The following EPB41L4A variants were observed in gnomAD, a reference collection of about 807,000 sequenced individuals.
The protein encoded by EPB41L4A is erythrocyte membrane protein band 4.1 like 4A, also known as band 4.1-like protein 4A.
Under a neutral mutation model 108.6 loss-of-function variants are expected in EPB41L4A, and 100 were observed. The ratio of observed to expected loss-of-function variants is 0.92; its 90% confidence interval spans 0.78 to 1.09. The LOEUF is 1.09. EPB41L4A is among the 50% of genes least tolerant of loss of function. The pLI, the probability that EPB41L4A is intolerant of heterozygous loss-of-function variation, is 0.00. For missense variants in EPB41L4A, 1,030 were observed against 842.7 expected, an observed-to-expected ratio of 1.22 and a Z score of -2.75; for synonymous variants, 319 against 289.0, an observed-to-expected ratio of 1.10 and a Z score of -1.05.
chr5:112,321,389 G>A (rs976153213), intron 1 of EPB41L4A, among the ~76,000 whole-genome samples: 4 of 152,258 alleles, frequency 2.6e-5, no homozygotes, highest in Non-Finnish European at 4.4e-5. Flanking sequence ...TTCATAATCC[G>A]GTACTTATTT....
intron 18 of EPB41L4A, among the ~76,000 whole-genome samples, chr5:112,178,173 T>C (rs990231358): frequency 6.6e-6 from 1 of 152,214 alleles, no homozygotes; most frequent in South Asian, 2.1e-4. Context: ...GAAGAAGGTA[T>C]GGTAGAATTT....
intron 9 of EPB41L4A, among the ~76,000 whole-genome samples, chr5:112,248,154 A>G (rs958712824): frequency 6.6e-6 from 1 of 152,206 alleles, no homozygotes; most frequent in Non-Finnish European, 1.5e-5. Context: ...TACTAAAAGG[A>G]GGCTTAACAT....
At chr5:112,326,101 G>A (rs142183269) in intron 1 of EPB41L4A, among the ~76,000 whole-genome samples, 2 of 152,100 alleles carry the variant, frequency 1.3e-5, no homozygotes, top group East Asian at 3.9e-4. Context: ...AGTAAGCTAT[G>A]ATCATACCAC....
Position 112,209,907 on chromosome 5 carries a change from G to T in EPB41L4A, c.1163C>A (p.Pro388His), listed in dbSNP as rs1286436648. ...CTTCACTGACCTTTTTACTGGTGAA[G>T]GTGCAATAATTTTAATTGTTCCTTC... Reference protein sequence around the residue: ...ENEGTIKIIAPSPVKSFKKAK... With the variant: ...ENEGTIKIIAHSPVKSFKKAK... The change falls in exon 13 of 23, where the codon CCT (proline) becomes CAT (histidine). Residue 388 changes from proline (P) to histidine (H), a missense_variant. Transcript: ENST00000261486. 2 of 1,600,044 alleles carry T rather than the reference G, an allele frequency of 1.2e-6. No individual in the cohort carries two copies. The highest frequency in any genetic ancestry group is 4.5e-5 in the East Asian group (2 of 44,520).
intron 7 of EPB41L4A, among the ~76,000 whole-genome samples, chr5:112,261,045 GTTTTCTT>G (rs60175169): frequency 0.029 from 4,350 of 152,182 alleles, 259 homozygotes; most frequent in East Asian, 0.26. Context: ...CCTATGGAAA[GTTTTCTT>G]TTAAAAACTG....
At chr5:112,263,772 T>C (rs1315178943) in intron 6 of EPB41L4A, 1 of 152,224 alleles carries the variant, frequency 6.6e-6, no homozygotes, top group Non-Finnish European at 1.5e-5. Flanking sequence ...ACGGATCCTT[T>C]AGGCAAACAT....
intron 1 of EPB41L4A, among the ~76,000 whole-genome samples, chr5:112,350,634 C>G (rs1344536688): frequency 1.3e-5 from 2 of 152,168 alleles, no homozygotes; most frequent in Non-Finnish European, 2.9e-5. Context: ...CCTGCAAGCT[C>G]CAAATACACC....
At chr5:112,310,246 T>C (rs1754962922) in intron 1 of EPB41L4A, among the ~76,000 whole-genome samples, 1 of 152,234 alleles carries the variant, frequency 6.6e-6, no homozygotes, top group Non-Finnish European at 1.5e-5. Flanking sequence ...GCTAATGCAT[T>C]GGAAAGCCAA....
At chr5:112,312,118 A>G (rs1755094390) in intron 1 of EPB41L4A, among the ~76,000 whole-genome samples, 1 of 152,254 alleles carries the variant, frequency 6.6e-6, no homozygotes, top group East Asian at 1.9e-4. Context: ...AATAAAGATA[A>G]TAGATTTATA....
chr5:112,215,217 CA>C lies in EPB41L4A; in HGVS notation c.1088-5236del, dbSNP rs1747532829. Among the ~76,000 whole-genome samples, 5 of 152,296 alleles carry C rather than the reference CA, an allele frequency of 3.3e-5. No individual in the cohort carries two copies. The South Asian group carries it at 1.0e-3, about 32-fold the overall frequency. ...GTACCTGAGACGCATGTCAAAAGGA[CA>C]TGCGGCAATATACCTTGCAGGACTG... On this transcript the variant is annotated intron_variant, in intron 12 of 22. Transcript: ENST00000261486.
chr5:112,410,189 A>G (rs951012766), intron 1 of EPB41L4A, among the ~76,000 whole-genome samples: 3 of 152,284 alleles, frequency 2.0e-5, no homozygotes, highest in Non-Finnish European at 4.4e-5. Context: ...TGGAAAATTC[A>G]GAGACTAGGA....
At chr5:112,234,378 C>T (rs1236712107) in intron 12 of EPB41L4A, among the ~76,000 whole-genome samples, 1 of 151,066 alleles carries the variant, frequency 6.6e-6, no homozygotes, top group Admixed American at 6.6e-5. Context: ...AAGATCCTAA[C>T]TCAAAAAAGA....
At chr5:112,349,535 T>G (rs1757902650) in intron 1 of EPB41L4A, among the ~76,000 whole-genome samples, 1 of 152,148 alleles carries the variant, frequency 6.6e-6, no homozygotes, top group Admixed American at 6.5e-5. Flanking sequence ...TGCCTAAGAA[T>G]GAGTGAGAGT....
At chr5:112,366,573 G>A (rs966388415) in intron 1 of EPB41L4A, among the ~76,000 whole-genome samples, 1 of 152,040 alleles carries the variant, frequency 6.6e-6, no homozygotes, top group African/African-American at 2.4e-5. Context: ...CGTGGCCTCT[G>A]CTGAGACACA....
intron 1 of EPB41L4A, among the ~76,000 whole-genome samples, chr5:112,355,326 C>G (rs1758297446): frequency 2.0e-5 from 3 of 152,216 alleles, no homozygotes; most frequent in Admixed American, 2.0e-4. Flanking sequence ...GATGAATCCA[C>G]TATCTTCAGA....
In EPB41L4A at chr5:112,388,165, G is replaced by A. The variant is rs530348504; in HGVS notation, c.99+30776C>T. On this transcript the variant is annotated intron_variant, in intron 1 of 22. Transcript: ENST00000261486. ...TAACAATTTACCCTTACAGTATCTG[G>A]TTACAGCCAGCAATTTTTCACAAAA... Among the ~76,000 whole-genome samples the A allele has an allele frequency of 3.9e-3, 595 of 152,214 alleles. 5 individuals are homozygous for A. The highest frequency in any genetic ancestry group is 0.013 in the African/African-American group (536 of 41,530).
chr5:112,284,537 CCT>C (rs1753160405), intron 2 of EPB41L4A, among the ~76,000 whole-genome samples: 1 of 152,088 alleles, frequency 6.6e-6, no homozygotes, highest in Non-Finnish European at 1.5e-5. Context: ...TCCCCACTCC[CCT>C]CTCTCTCCTA....
intron 1 of EPB41L4A, among the ~76,000 whole-genome samples, chr5:112,375,661 T>C (rs2112570886): frequency 6.6e-6 from 1 of 152,318 alleles, no homozygotes; most frequent in Middle Eastern, 3.4e-3. Context: ...CCTCAGGCCC[T>C]TGAGGTAGTT....
At chr5:112,386,633 T>C (rs756648275) in intron 1 of EPB41L4A, among the ~76,000 whole-genome samples, 3 of 152,184 alleles carry the variant, frequency 2.0e-5, no homozygotes, top group Non-Finnish European at 4.4e-5. Context: ...GGACAGACTA[T>C]AGAAGAAAGT....
Sources: allele counts gnomAD v4.1 joint callset (sites outside exome capture counted in the v4.1 genomes callset), GRCh38; gene constraint gnomAD v4.1.1; transcripts MANE v1.5; gene names NCBI Gene and HGNC (gene_info 2026-07-23, HGNC 2026-07-21).